The following GTF3C5 variants were observed in gnomAD, a reference collection of about 807,000 sequenced individuals.
GTF3C5 encodes general transcription factor 3C polypeptide 5.
Under a neutral mutation model 61.0 loss-of-function variants are expected in GTF3C5, and 47 were observed. The observed-to-expected ratio is 0.77, with a 90% CI of 0.61 to 0.98. The LOEUF (loss-of-function observed/expected upper bound fraction) is 0.98. GTF3C5 is among the 50% of genes least tolerant of loss of function. The probability of loss-of-function intolerance (pLI) is 0.00; values close to 1 mark genes in which losing one functional copy is unlikely to be tolerated. For synonymous variants in GTF3C5, 295 were observed against 275.4 expected (o/e 1.07, Z -0.71); for missense variants, 659 against 703.3 (o/e 0.94, Z 0.71).
At position 133,052,107 on chromosome 9, in the gene GTF3C5, C is replaced by T. The variant is rs1850399701; in HGVS notation, c.816C>T (p.Asn272=). The part of the protein sequence containing the change: ...PIWSRNAVKA[N]ISVHPDKLKV... ...GGTCCCGAAATGCTGTCAAGGCCAA[C>T]ATCAGCGTCCACCCAGACAAGCTCA... Residue 272 remains asparagine (N), a synonymous_variant, in exon 5 of 11, where the codon AAC becomes AAT. Transcript: ENST00000372097. The T allele has an allele frequency of 1.9e-6, 3 of 1,609,854 alleles. No individual in the cohort carries two copies. Among genetic ancestry groups the T allele is most frequent in the East Asian group, 2.2e-5 (1 of 44,628 alleles).
chr9:133,040,023 T>C (rs1849992144), intron 1 of GTF3C5, among the ~76,000 whole-genome samples: 1 of 152,196 alleles, frequency 6.6e-6, no homozygotes, highest in Non-Finnish European at 1.5e-5. Flanking sequence ...AATCACGTTT[T>C]CTTCTTTTAT....
At chr9:133,055,541 T>C (rs1564205242) in intron 8 of GTF3C5, 24 of 985,276 alleles carry the variant, frequency 2.4e-5, no homozygotes, top group Non-Finnish European at 2.9e-5. Flanking sequence ...TTATCCTTAC[T>C]CTAGAACTAC....
Position 133,056,809 on chromosome 9 carries a change from T to C in GTF3C5, c.1294T>C (p.Cys432Arg). ...IHRNDGAENS[C>R]TERDGWCLPK... ...CCGCAATGACGGGGCAGAGAATTCC[T>C]GCACAGAACGGGATGGGTGGTGCCT... Residue 432 changes from cysteine (C) to arginine (R), a missense_variant, in exon 10 of 11, where the codon TGC (cysteine) becomes CGC (arginine). Physicochemically the swap from Cys to Arg is radical, Grantham distance 180. Transcript: ENST00000372097. 6.2e-7 allele frequency: 1 copy of C among 1,611,412 alleles called. No homozygotes were observed. The highest frequency in any genetic ancestry group is 8.5e-7 in the Non-Finnish European group (1 of 1,178,786).
rs559414091 is a variant in GTF3C5 at position 133,056,796 on chromosome 9, G to A, written c.1281G>A (p.Gly427=). 4 of 1,609,692 alleles carry A rather than the reference G, an allele frequency of 2.5e-6. No homozygotes were observed. Among genetic ancestry groups the A allele is most frequent in the Admixed American group, 3.4e-5 (2 of 59,488 alleles). The part of the protein sequence containing the change: ...ELQKIIHRND[G]AENSCTERDG... ...AGAAGATCATTCACCGCAATGACGG[G>A]GCAGAGAATTCCTGCACAGAACGGG... The change falls in exon 10 of 11, where the codon GGG becomes GGA. Residue 427 remains glycine (G), a synonymous_variant. Transcript: ENST00000372097.
chr9:133,045,949 T>C (rs1316659650), intron 3 of GTF3C5, among the ~76,000 whole-genome samples: 1 of 152,196 alleles, frequency 6.6e-6, no homozygotes, highest in Non-Finnish European at 1.5e-5. Context: ...AAAAGGACTT[T>C]GAAAACTGGG....
At chr9:133,049,731 A>G (rs1466878146) in intron 3 of GTF3C5, among the ~76,000 whole-genome samples, 1 of 152,224 alleles carries the variant, frequency 6.6e-6, no homozygotes, top group African/African-American at 2.4e-5. Context: ...GCCAACATAC[A>G]GAGGTAGTTC....
intron 3 of GTF3C5, among the ~76,000 whole-genome samples, chr9:133,045,871 C>T (rs1850187202): frequency 6.6e-6 from 1 of 152,086 alleles, no homozygotes; most frequent in South Asian, 2.1e-4. Context: ...TCCTGGCCTC[C>T]AGTGATCCGC....
chr9:133,041,945 T>G (rs1850051197), intron 1 of GTF3C5, 142 bp from the exon 2 acceptor site: 2 of 622,536 alleles, frequency 3.2e-6, no homozygotes, highest in South Asian at 2.0e-5. Flanking sequence ...ATGGGCCTTT[T>G]GGGAATTAAG....
At chr9:133,051,971 C>A in intron 4 of GTF3C5, 89 bp from the exon 5 acceptor site, 1 of 656,218 alleles carries the variant, frequency 1.5e-6, no homozygotes, top group Non-Finnish European at 2.6e-6. Context: ...TCTGGAGGGG[C>A]CGCTGGGGCC....
rs748289418 is a variant in GTF3C5, at chr9:133,056,851, G to A, written c.1336G>A (p.Glu446Lys). 1.2e-5 allele frequency: 19 copies of A among 1,611,546 alleles called. No individual in the cohort carries two copies. The Admixed American group carries it at 1.8e-4, about 16-fold the overall frequency. Residue 446 changes from glutamate (E) to lysine (K), a missense_variant, in exon 10 of 11, where the codon GAG (glutamate) becomes AAG (lysine). Glu to Lys is a moderately conservative substitution (Grantham distance 56, BLOSUM62 1). Transcript: ENST00000372097. ...DGWCLPKTSD[E>K]LRDTMSLMIR... ...GTGGTGCCTCCCCAAGACCAGCGACGAGCTCAGGGACACCATGTCCCTCAT... is the reference window on the plus strand; with the variant it reads ...GTGGTGCCTCCCCAAGACCAGCGACAAGCTCAGGGACACCATGTCCCTCAT...
chr9:133,055,283 G>A (rs1043467269), intron 8 of GTF3C5: 21 of 1,420,382 alleles, frequency 1.5e-5, no homozygotes, highest in African/African-American at 4.3e-5. Flanking sequence ...TCAGGCTCCC[G>A]CAAGCCGCTC....
chr9:133,058,059 A>G lies in GTF3C5; in HGVS notation c.*79A>G. ...GAGGGAGCCGGGGCTCCCCATTGCC[A>G]CCCACAGTGCCCGGAATGGCCCTAG... On this transcript the variant is annotated 3_prime_UTR_variant, in exon 11 of 11. Coordinates refer to ENST00000372097, the MANE Select transcript of GTF3C5 (RefSeq NM_012087.4). The G allele has an allele frequency of 6.3e-7, 1 of 1,589,268 alleles. No individual in the cohort carries two copies. The highest frequency in any genetic ancestry group is 8.5e-7 in the Non-Finnish European group (1 of 1,169,592).
At chr9:133,037,395 G>A (rs1849897881) in intron 1 of GTF3C5, among the ~76,000 whole-genome samples, 1 of 152,142 alleles carries the variant, frequency 6.6e-6, no homozygotes, top group Non-Finnish European at 1.5e-5. Context: ...GACACACCGG[G>A]TTCAAGGAGC....
At chr9:133,034,133 G>T (rs1235621359) in intron 1 of GTF3C5, among the ~76,000 whole-genome samples, 2 of 152,166 alleles carry the variant, frequency 1.3e-5, no homozygotes, top group African/African-American at 4.8e-5. Flanking sequence ...GCAATAAGGG[G>T]TTACACCGCA....
intron 8 of GTF3C5, chr9:133,055,496 C>T (rs942476465): frequency 1.5e-5 from 18 of 1,200,098 alleles, no homozygotes; most frequent in Non-Finnish European, 1.8e-5. Context: ...ACAGCCTGTG[C>T]GGCCTTCCTT....
rs777689638 is a variant in GTF3C5 at position 133,054,739 on chromosome 9, T to C, written c.1097T>C (p.Leu366Pro). 8.9e-6 allele frequency: 14 copies of C among 1,581,088 alleles called. No individual in the cohort carries two copies. The highest frequency in any genetic ancestry group is 1.2e-5 in the Non-Finnish European group (14 of 1,163,782). The change falls in exon 8 of 11, where the codon CTG becomes CCG. Residue 366 changes from leucine (L) to proline (P), a missense_variant. Leu to Pro is a moderately conservative substitution (Grantham distance 98). Transcript: ENST00000372097. The part of the protein sequence containing the change: ...TSSQLVTMHD[L>P]KQGLGPSGTS... ...AGCCAGCTTGTCACCATGCATGACC[T>C]GAAGCAGGGCCTGGGCCCGTCGGGG...
intron 1 of GTF3C5, among the ~76,000 whole-genome samples, chr9:133,038,099 C>T (rs954011985): frequency 1.3e-5 from 2 of 152,000 alleles, no homozygotes; most frequent in African/African-American, 2.4e-5. Context: ...ATAGTTTCGG[C>T]GGGAAGGGCA....
At chr9:133,056,169 TC>T in intron 9 of GTF3C5, 75 bp downstream of exon 9, 3 of 1,233,158 alleles carry the variant, frequency 2.4e-6, no homozygotes, top group East Asian at 4.9e-5. Flanking sequence ...TCTGAACTCT[TC>T]CACTTCACGT....
intron 5 of GTF3C5, among the ~76,000 whole-genome samples, chr9:133,052,766 G>A (rs112172592): frequency 1.3e-5 from 2 of 152,302 alleles, no homozygotes; most frequent in African/African-American, 4.8e-5. Context: ...CATTTCTTCT[G>A]CCTTGTTGGA....
Sources: allele counts gnomAD v4.1 joint callset (sites outside exome capture counted in the v4.1 genomes callset), GRCh38; gene constraint gnomAD v4.1.1; transcripts MANE v1.5; gene names NCBI Gene and HGNC (gene_info 2026-07-23, HGNC 2026-07-21).